RAB7A: variants seen among roughly 807,000 people sequenced by gnomAD.
The protein encoded by RAB7A is RAB7A, member RAS oncogene family.
A neutral mutation model predicts 24.5 loss-of-function variants in RAB7A; 2 were observed. That is an observed-to-expected ratio of 0.08 (90% CI 0.03 to 0.26). RAB7A has a LOEUF of 0.26. RAB7A is among the 10% of genes least tolerant of loss of function. The pLI is 1.00. For synonymous variants in RAB7A, 100 were observed against 95.9 expected (o/e 1.04, Z -0.25); for missense variants, 118 against 255.7 (o/e 0.46, Z 3.67).
At chr3:128,777,925 G>A (rs1933132087) in intron 1 of RAB7A, among the ~76,000 whole-genome samples, 1 of 152,154 alleles carries the variant, frequency 6.6e-6, no homozygotes, top group Admixed American at 6.5e-5. Context: ...TGCTGGCCAG[G>A]CTGGTCTTGA....
At chr3:128,741,524 T>A (rs1363591982) in intron 1 of RAB7A, among the ~76,000 whole-genome samples, 2 of 152,144 alleles carry the variant, frequency 1.3e-5, no homozygotes, top group Non-Finnish European at 2.9e-5. Context: ...CCTACTTCCA[T>A]GTCTTTTTTT....
Position 128,798,154 on chromosome 3 carries a change from C to G in RAB7A, c.180+85C>G, listed in dbSNP as rs1292864349. ...TCCTCATGCATAGACATTTTCCTTCCCTGTTCTTCAAATCTTATTATCTTA... is the reference window on the plus strand; with the variant it reads ...TCCTCATGCATAGACATTTTCCTTCGCTGTTCTTCAAATCTTATTATCTTA... On this transcript the variant is annotated intron_variant, in intron 3 of 5. Transcript: ENST00000265062. 3 of 1,520,842 alleles carry G rather than the reference C, an allele frequency of 2.0e-6. No homozygotes were observed. In the East Asian group the frequency reaches 6.8e-5, roughly 35 times the overall value. 94.2% of individuals were successfully genotyped at this position (1,520,842 alleles called of 1,614,324 possible).
At chr3:128,744,539 C>G (rs1228750095) in intron 1 of RAB7A, among the ~76,000 whole-genome samples, 1 of 152,216 alleles carries the variant, frequency 6.6e-6, no homozygotes, top group African/African-American at 2.4e-5. Context: ...AGGCCACACT[C>G]CTTCATTATC....
At chr3:128,761,894 C>A (rs2070778345) in intron 1 of RAB7A, among the ~76,000 whole-genome samples, 1 of 152,214 alleles carries the variant, frequency 6.6e-6, no homozygotes, top group African/African-American at 2.4e-5. Flanking sequence ...CAAACTGTGG[C>A]ACCAGCCCCA....
chr3:128,729,086 T>A (rs897884484), intron 1 of RAB7A, among the ~76,000 whole-genome samples: 1 of 152,194 alleles, frequency 6.6e-6, no homozygotes, highest in African/African-American at 2.4e-5. Context: ...GTTTTATTAG[T>A]ATATCCTTCT....
chr3:128,784,804 T>C (rs1250678262), intron 1 of RAB7A, among the ~76,000 whole-genome samples: 1 of 152,170 alleles, frequency 6.6e-6, no homozygotes, highest in Non-Finnish European at 1.5e-5. Flanking sequence ...ATCACAGTAG[T>C]ATTTTACTTT....
chr3:128,793,984 G>C (rs1044946907), intron 1 of RAB7A, among the ~76,000 whole-genome samples: 2 of 152,220 alleles, frequency 1.3e-5, no homozygotes, highest in Non-Finnish European at 2.9e-5. Flanking sequence ...TGAAGCCATC[G>C]AGGATGGTTA....
intron 2 of RAB7A, among the ~76,000 whole-genome samples, chr3:128,797,522 T>C (rs953935024): frequency 4.6e-5 from 7 of 152,236 alleles, no homozygotes; most frequent in African/African-American, 1.7e-4. Flanking sequence ...TTCCTCCTGG[T>C]GTTACTTCAT....
chr3:128,743,548 A>G (rs1339763731), intron 1 of RAB7A, among the ~76,000 whole-genome samples: 1 of 152,178 alleles, frequency 6.6e-6, no homozygotes, highest in African/African-American at 2.4e-5. Flanking sequence ...CAGCTTGGAC[A>G]TTGGAATTGC....
chr3:128,796,769 C>T (rs1370933081), intron 2 of RAB7A, among the ~76,000 whole-genome samples: 1 of 152,076 alleles, frequency 6.6e-6, no homozygotes, highest in Non-Finnish European at 1.5e-5. Context: ...CTTAAGCCAT[C>T]CTCCCACCTC....
In RAB7A at chr3:128,804,867, A is replaced by G. The variant is rs192634848; in HGVS notation, c.181-1505A>G. ...CAGCAATATTTTCTTAAAAATAGGA[A>G]TCGATGGTTCACTAAATCTGTTGGG... On this transcript the variant is annotated intron_variant, in intron 3 of 5. Coordinates refer to ENST00000265062, the MANE Select transcript of RAB7A (RefSeq NM_004637.6). Among the ~76,000 whole-genome samples, 42 of 152,332 alleles carry G rather than the reference A, an allele frequency of 2.8e-4. No individual in the cohort carries two copies. In the East Asian group the frequency reaches 7.9e-3, roughly 29 times the overall value.
chr3:128,792,408 C>CT (rs915624302), intron 1 of RAB7A, among the ~76,000 whole-genome samples: 18 of 151,294 alleles, frequency 1.2e-4, no homozygotes, highest in East Asian at 1.9e-4. Context: ...TATCTATTTT[C>CT]TTTTTTTTTC....
At position 128,807,593 on chromosome 3, in the gene RAB7A, C is replaced by T. The variant is rs1377361265; in HGVS notation, c.450C>T (p.Pro150=). 3.7e-6 allele frequency: 6 copies of T among 1,614,074 alleles called. No homozygotes were observed. The highest frequency in any genetic ancestry group is 5.1e-6 in the Non-Finnish European group (6 of 1,180,038). ...QAWCYSKNNI[P]YFETSAKEAI... ...GGTGCTACAGCAAAAACAACATTCC[C>T]TACTTTGAGACCAGTGCCAAGGAGG... The change falls in exon 5 of 6, where the codon CCC becomes CCT. Residue 150 remains proline (P), a synonymous_variant. Coordinates refer to ENST00000265062, the MANE Select transcript of RAB7A (RefSeq NM_004637.6).
chr3:128,767,007 G>A (rs1355580643), intron 1 of RAB7A, among the ~76,000 whole-genome samples: 1 of 152,090 alleles, frequency 6.6e-6, no homozygotes, highest in East Asian at 1.9e-4. Context: ...TTGGTATGAA[G>A]TGGATTCTTC....
At chr3:128,771,007 T>C (rs1282505160) in intron 1 of RAB7A, among the ~76,000 whole-genome samples, 1 of 151,756 alleles carries the variant, frequency 6.6e-6, no homozygotes, top group African/African-American at 2.4e-5. Context: ...TCTCACTCTG[T>C]CACCCAGGCT....
chr3:128,749,137 A>G (rs369037549), intron 1 of RAB7A: 1 of 152,212 alleles, frequency 6.6e-6, no homozygotes, highest in Non-Finnish European at 1.5e-5. Flanking sequence ...TCTGGTGGCA[A>G]TACTGCACAG....
At chr3:128,787,629 T>C (rs1435336514) in intron 1 of RAB7A, among the ~76,000 whole-genome samples, 1 of 152,246 alleles carries the variant, frequency 6.6e-6, no homozygotes, top group African/African-American at 2.4e-5. Context: ...TTTGCAGATA[T>C]AGTAATCCTC....
At chr3:128,764,573 A>G (rs1346233102) in intron 1 of RAB7A, 24 of 1,395,432 alleles carry the variant, frequency 1.7e-5, no homozygotes, top group Non-Finnish European at 2.1e-5. Flanking sequence ...TGGTCACCCA[A>G]TTCTTTGATG....
At chr3:128,740,053 C>T (rs749734797) in intron 1 of RAB7A, among the ~76,000 whole-genome samples, 6 of 146,544 alleles carry the variant, frequency 4.1e-5, no homozygotes, top group African/African-American at 7.6e-5. Context: ...ACAACAAGAG[C>T]GAAACTCCAT....
Sources: allele counts gnomAD v4.1 joint callset (sites outside exome capture counted in the v4.1 genomes callset), GRCh38; gene constraint gnomAD v4.1.1; transcripts MANE v1.5; gene names NCBI Gene and HGNC (gene_info 2026-07-23, HGNC 2026-07-21).